Variants in IRGM observed in about 807,000 individuals in gnomAD.
IRGM encodes the protein immunity-related GTPase family M protein.
For synonymous variants in IRGM, 98 were observed against 80.6 expected (o/e 1.22, Z -1.16); for missense variants, 288 against 219.9 (o/e 1.31, Z -1.96).
At chr5:150,880,709 T>G (rs1754432130) in intron 3 of IRGM, among the ~76,000 whole-genome samples, 2 of 152,192 alleles carry the variant, frequency 1.3e-5, no homozygotes, top group African/African-American at 4.8e-5. Flanking sequence ...TAACTTTCAC[T>G]TTTCATGTGG....
chr5:150,898,497 G>C, intron 3 of IRGM: 1 of 1,613,186 alleles, frequency 6.2e-7, no homozygotes, highest in Non-Finnish European at 8.5e-7. Flanking sequence ...GAAGGGTCAA[G>C]TTGCTGCCAC....
At chr5:150,854,999 G>C (rs74605146) in intron 1 of IRGM, among the ~76,000 whole-genome samples, 3,437 of 152,060 alleles carry the variant, frequency 0.023, 61 homozygotes, top group Non-Finnish European at 0.034. Context: ...TTTTCTGACT[G>C]TTTTTCAGAG....
intron 3 of IRGM, among the ~76,000 whole-genome samples, chr5:150,889,831 T>A (rs993607233): frequency 6.6e-5 from 10 of 152,098 alleles, no homozygotes; most frequent in African/African-American, 2.4e-4. Context: ...GTGACTTACA[T>A]TGATTGATTT....
At position 150,848,463 on chromosome 5, in the gene IRGM, G is replaced by T. The variant is rs1753919151; in HGVS notation, c.340G>T (p.Asp114Tyr). 1 of 1,551,696 alleles carries T rather than the reference G, an allele frequency of 6.4e-7. No individual in the cohort carries two copies. Among genetic ancestry groups the T allele is most frequent in the African/African-American group, 1.4e-5 (1 of 73,044 alleles). The change falls in exon 2 of 2, where the codon GAC becomes TAC. Residue 114 changes from aspartate to tyrosine, a missense_variant. Asp to Tyr is a radical substitution (Grantham distance 160). Coordinates refer to ENST00000522154, the MANE Select transcript of IRGM (RefSeq NM_001145805.2). Reference protein sequence around the residue: ...YLMEMQFNRYDFIMVASAQFS... With the variant: ...YLMEMQFNRYYFIMVASAQFS... ...GATGGAAATGCAGTTCAACCGGTAT[G>T]ACTTCATCATGGTTGCATCTGCACA...
At chr5:150,872,888 A>T (rs1228085541) in intron 1 of IRGM, among the ~76,000 whole-genome samples, 1 of 152,196 alleles carries the variant, frequency 6.6e-6, no homozygotes, top group Non-Finnish European at 1.5e-5. Context: ...GGTCCAGAAG[A>T]CATACCCTTC....
intron 3 of IRGM, among the ~76,000 whole-genome samples, chr5:150,884,935 C>T (rs183680995): frequency 6.6e-6 from 1 of 152,188 alleles, no homozygotes; most frequent in East Asian, 1.9e-4. Flanking sequence ...TCCCATTTGT[C>T]AACTGTCACG....
chr5:150,878,674 G>A (rs551930763), intron 2 of IRGM, among the ~76,000 whole-genome samples: 1 of 152,032 alleles, frequency 6.6e-6, no homozygotes, highest in African/African-American at 2.4e-5. Context: ...GAATACATCT[G>A]ATTTGTGCAT....
chr5:150,864,492 G>A lies in IRGM; in HGVS notation c.159-13488G>A, dbSNP rs971647798. Among the ~76,000 whole-genome samples, 9 of 152,048 alleles carry A rather than the reference G, an allele frequency of 5.9e-5. No individual in the cohort carries two copies. The South Asian group carries it at 6.2e-4, about 11-fold the overall frequency. On this transcript the variant is annotated intron_variant and NMD_transcript_variant, in intron 1 of 3. Transcript: ENST00000520549. ...TACTTCCTAACAGCTGTATGTCTTC[G>A]TCATTACTAGTCAACCCTTTCAAAT...
At chr5:150,896,421 G>A in intron 3 of IRGM, 1 of 1,613,598 alleles carries the variant, frequency 6.2e-7, no homozygotes. Context: ...TTTTCCACAT[G>A]TAACACATAC....
rs1220898240 is a variant in IRGM at position 150,848,034 on chromosome 5, C to T, written c.-90C>T. The T allele has an allele frequency of 4.0e-6, 4 of 1,008,326 alleles. No homozygotes were observed. Among genetic ancestry groups the T allele is most frequent in the Non-Finnish European group, 5.8e-6 (4 of 693,630 alleles). The allele number at this position is 1,008,326 out of a possible 1,614,324, so 62.5% of individuals were successfully genotyped here. On this transcript the variant is annotated 5_prime_UTR_variant, in exon 2 of 2. Transcript: ENST00000522154. ...GCCAGGATGGTCTCAATCTCCTGAC[C>T]TCGTGATCTGCTCGCCTCGGCCTTC...
chr5:150,850,608 T>C (rs1753960771), downstream of IRGM, among the ~76,000 whole-genome samples: 1 of 152,184 alleles, frequency 6.6e-6, no homozygotes, highest in Non-Finnish European at 1.5e-5. Flanking sequence ...TTGCCTAGGC[T>C]GGAGTGCAGT....
chr5:150,883,828 A>G (rs886711897), intron 3 of IRGM, among the ~76,000 whole-genome samples: 1 of 152,054 alleles, frequency 6.6e-6, no homozygotes, highest in Non-Finnish European at 1.5e-5. Context: ...AATAGTACCA[A>G]TTCTTCTCAA....
chr5:150,888,956 A>G (rs1183559489), intron 3 of IRGM, among the ~76,000 whole-genome samples: 1 of 152,084 alleles, frequency 6.6e-6, no homozygotes, highest in Non-Finnish European at 1.5e-5. Context: ...AATTTCTTTC[A>G]GCAATGTTCT....
At chr5:150,896,639 T>C in intron 3 of IRGM, 1 of 1,613,586 alleles carries the variant, frequency 6.2e-7, no homozygotes, top group Non-Finnish European at 8.5e-7. Context: ...AACAACTCGG[T>C]AGGTCAATAT....
chr5:150,899,095 T>C (rs919791000), intron 3 of IRGM, among the ~76,000 whole-genome samples: 3 of 151,830 alleles, frequency 2.0e-5, no homozygotes, highest in African/African-American at 7.3e-5. Flanking sequence ...AAAAAGAAGA[T>C]AGTTATAAAG....
intron 3 of IRGM, among the ~76,000 whole-genome samples, chr5:150,890,230 C>T (rs1021684382): frequency 5.9e-5 from 9 of 151,894 alleles, no homozygotes; most frequent in Non-Finnish European, 8.8e-5. Flanking sequence ...TATTTCTTCT[C>T]GAGTAAGGTG....
intron 1 of IRGM, among the ~76,000 whole-genome samples, chr5:150,858,788 CT>C: frequency 6.6e-6 from 1 of 152,160 alleles, no homozygotes; most frequent in Non-Finnish European, 1.5e-5. Flanking sequence ...TATCCTGAGA[CT>C]TTGCTGAAGT....
intron 3 of IRGM, chr5:150,896,366 ATGAATTCTT>A: frequency 6.2e-7 from 1 of 1,613,630 alleles, no homozygotes; most frequent in Non-Finnish European, 8.5e-7. Flanking sequence ...TCTTTCCAGT[ATGAATTCTT>A]TGATGTACAA....
chr5:150,848,360 C>A lies in IRGM; in HGVS notation c.237C>A (p.Phe79Leu). ...VKATQRCASYFSSHFSNVVLW... is the reference protein window; with the variant it reads ...VKATQRCASYLSSHFSNVVLW... ...CTACCCAAAGATGTGCCTCCTATTT[C>A]TCTTCCCACTTTTCAAATGTGGTGT... Residue 79 changes from phenylalanine to leucine, a missense_variant, in exon 2 of 2, where the codon TTC becomes TTA. Phe to Leu is a conservative substitution (Grantham distance 22). Coordinates refer to ENST00000522154, the MANE Select transcript of IRGM (RefSeq NM_001145805.2). 1 of 1,551,868 alleles carries A rather than the reference C, an allele frequency of 6.4e-7. No homozygotes were observed. Among genetic ancestry groups the A allele is most frequent in the African/African-American group, 1.4e-5 (1 of 73,170 alleles).
Sources: gnomAD v4.1 joint callset for allele counts (sites outside exome capture counted in the v4.1 genomes callset) on GRCh38, gnomAD v4.1.1 for gene constraint, MANE v1.5 for transcripts, NCBI Gene and HGNC (gene_info 2026-07-23, HGNC 2026-07-21) for gene names.